The following PI15 variants were observed in gnomAD, a reference collection of about 807,000 sequenced individuals.
PI15 encodes peptidase inhibitor 15.
PI15 carries 18 observed loss-of-function variants against 31.0 expected under a neutral mutation model. The observed-to-expected ratio is 0.58, with a 90% CI of 0.40 to 0.86. PI15 has a LOEUF of 0.86. Ranked by LOEUF, PI15 falls within the 40% of genes least tolerant of loss-of-function variation. PI15 has a pLI of 0.00. For synonymous variants in PI15, 118 were observed against 119.1 expected (o/e 0.99, Z 0.06); for missense variants, 282 against 328.1 (o/e 0.86, Z 1.09).
chr8:74,831,602 G>A (rs1190913722), intron 2 of PI15, among the ~76,000 whole-genome samples: 2 of 152,058 alleles, frequency 1.3e-5, no homozygotes, highest in East Asian at 3.9e-4. Flanking sequence ...GACTCTCTTT[G>A]GTAGGAAGTA....
chr8:74,829,314 C>A (rs1810746031), intron 2 of PI15, among the ~76,000 whole-genome samples: 1 of 151,966 alleles, frequency 6.6e-6, no homozygotes, highest in Admixed American at 6.6e-5. Context: ...ATAGATAGAA[C>A]TTAAAATTTG....
At chr8:74,837,938 A>G (rs550117618) in intron 2 of PI15, among the ~76,000 whole-genome samples, 1 of 152,196 alleles carries the variant, frequency 6.6e-6, no homozygotes, top group African/African-American at 2.4e-5. Context: ...TTTAATTTTC[A>G]TAATTAATAT....
intron 5 of PI15, among the ~76,000 whole-genome samples, chr8:74,848,732 TAGAGAGAGAGAG>T (rs1004356103): frequency 7.3e-6 from 1 of 136,354 alleles, no homozygotes; most frequent in African/African-American, 2.8e-5. Flanking sequence ...TATATATATA[TAGAGAGAGAGAG>T]AGAGAGAGAG....
intron 2 of PI15, 141 bp downstream of exon 2, chr8:74,825,663 G>A: frequency 1.5e-6 from 1 of 674,356 alleles, no homozygotes; most frequent in South Asian, 2.0e-5. Context: ...AGGTTCTTAT[G>A]TGCCTAATAA....
intron 2 of PI15, among the ~76,000 whole-genome samples, chr8:74,827,024 G>T (rs1810710097): frequency 6.6e-6 from 1 of 152,034 alleles, no homozygotes. Flanking sequence ...CTAAAATGAT[G>T]AAATAAATAT....
At chr8:74,828,199 G>T (rs985578575) in intron 2 of PI15, among the ~76,000 whole-genome samples, 1 of 152,068 alleles carries the variant, frequency 6.6e-6, no homozygotes, top group Non-Finnish European at 1.5e-5. Flanking sequence ...GTGGCTTGTG[G>T]TAAGGGTTTG....
rs79869294 is a variant in PI15, at chr8:74,839,452, A to G, written c.274-4529A>G. The stretch of plus-strand genomic sequence containing the variant: ...GAACCATTTTTATTTTATGAATTAA[A>G]CTGTATCTGATTTATCTAATTTAAT... On this transcript the variant is annotated intron_variant, in intron 2 of 5. Transcript: ENST00000260113. Among the ~76,000 whole-genome samples, 1,033 of 152,284 alleles carry G rather than the reference A, an allele frequency of 6.8e-3. 32 individuals carry two copies. The East Asian group carries it at 0.077, about 11-fold the overall frequency.
At chr8:74,828,434 T>C (rs904154648) in intron 2 of PI15, among the ~76,000 whole-genome samples, 2 of 152,076 alleles carry the variant, frequency 1.3e-5, no homozygotes, top group Non-Finnish European at 2.9e-5. Context: ...TCTAAATCCG[T>C]CATGAAGACC....
intron 2 of PI15, among the ~76,000 whole-genome samples, chr8:74,837,785 C>T (rs1293011863): frequency 1.3e-5 from 2 of 152,158 alleles, no homozygotes; most frequent in African/African-American, 2.4e-5. Context: ...ACATGCCACA[C>T]AGTCTCCAAT....
At chr8:74,841,853 T>C (rs573483992) in intron 2 of PI15, among the ~76,000 whole-genome samples, 1 of 152,308 alleles carries the variant, frequency 6.6e-6, no homozygotes, top group South Asian at 2.1e-4. Context: ...AATACTATGA[T>C]TTTTATATGA....
intron 5 of PI15, among the ~76,000 whole-genome samples, chr8:74,848,732 T>TATATATATAGAGAGAGAG (rs1191072583): frequency 5.6e-4 from 76 of 136,338 alleles, no homozygotes; most frequent in African/African-American, 1.8e-3. Flanking sequence ...TATATATATA[T>TATATATATAGAGAGAGAG]AGAGAGAGAG....
Position 74,853,362 on chromosome 8 carries a change from A to AT in PI15, c.*4110dup, listed in dbSNP as rs1811133554. The AT allele has an allele frequency of 6.6e-6, 1 of 152,532 alleles. No homozygotes were observed. The highest frequency in any genetic ancestry group is 2.1e-4 in the South Asian group (1 of 4,832). The allele number at this position is 152,532 out of a possible 1,614,324, so 9.4% of individuals were successfully genotyped here. ...TATCCATTTGATTCCTGATTCAGAA[A>AT]TATCAATAAAATCCTATGTTAAATT... On this transcript the variant is annotated 3_prime_UTR_variant, in exon 6 of 6. Coordinates refer to ENST00000260113, the MANE Select transcript of PI15 (RefSeq NM_015886.5).
At chr8:74,830,663 G>A (rs1407109586) in intron 2 of PI15, among the ~76,000 whole-genome samples, 1 of 152,072 alleles carries the variant, frequency 6.6e-6, no homozygotes, top group African/African-American at 2.4e-5. Flanking sequence ...TTCAGTAGTT[G>A]ATTAAACACT....
rs543920071 is a variant in PI15 at position 74,853,204 on chromosome 8, C to G, written c.*3951C>G. On this transcript the variant is annotated 3_prime_UTR_variant, in exon 6 of 6. Transcript: ENST00000260113. ...ATCCTTGCTATAAGTTTTGAAGTTT[C>G]TTAGCAATTAAAGTTTTTTTATTCA... 1 of 152,562 alleles carries G rather than the reference C, an allele frequency of 6.6e-6. No individual in the cohort carries two copies. Among genetic ancestry groups the G allele is most frequent in the Admixed American group, 6.5e-5 (1 of 15,282 alleles). 9.5% of individuals were successfully genotyped at this position (152,562 alleles called of 1,614,324 possible).
At chr8:74,831,281 C>T (rs186833283) in intron 2 of PI15, among the ~76,000 whole-genome samples, 58 of 152,232 alleles carry the variant, frequency 3.8e-4, no homozygotes, top group Non-Finnish European at 6.0e-4. Context: ...ACTGTACTTC[C>T]GAGTATTGGA....
chr8:74,834,799 A>T (rs1280776235), intron 2 of PI15, among the ~76,000 whole-genome samples: 17 of 152,164 alleles, frequency 1.1e-4, no homozygotes. Context: ...CCTAGAATTT[A>T]TGTGACAAAT....
chr8:74,830,061 C>T (rs891658131), intron 2 of PI15, among the ~76,000 whole-genome samples: 2 of 152,012 alleles, frequency 1.3e-5, no homozygotes, highest in African/African-American at 2.4e-5. Flanking sequence ...CTGATATTGG[C>T]AGTGAAAGTG....
intron 2 of PI15, among the ~76,000 whole-genome samples, chr8:74,841,262 G>A (rs879756207): frequency 3.3e-5 from 5 of 151,998 alleles, no homozygotes; most frequent in Admixed American, 2.0e-4. Flanking sequence ...TATGGAAAAC[G>A]CCAGAACTGA....
chr8:74,829,979 A>G lies in PI15; in HGVS notation c.273+4457A>G, dbSNP rs983479828. Reference sequence around the variant, plus strand: ...AGGATTCCTTACTCCAAAGGCAATTAGGAAGACTGTGAAGATTTTAGAGAA... The same window carrying G: ...AGGATTCCTTACTCCAAAGGCAATTGGGAAGACTGTGAAGATTTTAGAGAA... On this transcript the variant is annotated intron_variant, in intron 2 of 5. Transcript: ENST00000260113. Among the ~76,000 whole-genome samples, 5 of 152,158 alleles carry G rather than the reference A, an allele frequency of 3.3e-5. No individual in the cohort carries two copies. The East Asian group carries it at 9.6e-4, about 29-fold the overall frequency.
Sources: gnomAD v4.1 joint callset for allele counts (sites outside exome capture counted in the v4.1 genomes callset) on GRCh38, gnomAD v4.1.1 for gene constraint, MANE v1.5 for transcripts, NCBI Gene and HGNC (gene_info 2026-07-23, HGNC 2026-07-21) for gene names.